The following DOCK9 variants were observed in gnomAD, a reference collection of about 807,000 sequenced individuals.
DOCK9 encodes dedicator of cytokinesis 9, also known as dedicator of cytokinesis protein 9.
In DOCK9, 89 loss-of-function variants were observed where a neutral mutation model predicts 263.3. The ratio of observed to expected loss-of-function variants is 0.34; its 90% CI spans 0.28 to 0.40. The LOEUF (loss-of-function observed/expected upper bound fraction) is 0.40. Ranked by LOEUF, DOCK9 falls within the 10% of genes least tolerant of loss-of-function variation. The pLI, the probability that DOCK9 is intolerant of heterozygous loss-of-function variation, is 1.00. For synonymous variants in DOCK9, 976 were observed against 973.1 expected (o/e 1.00, Z -0.06); for missense variants, 2,140 against 2,603.4 (o/e 0.82, Z 3.87).
rs549606738 is a variant in DOCK9, at chr13:98,899,095, A to G, written c.1504-834T>C. ...TTACTGAAGGGTCTTTTACATAAGT[A>G]TATCAAAGTCAAACCAATTTTGGGA... On this transcript the variant is annotated intron_variant, in intron 13 of 52. Transcript: ENST00000682017. Among the ~76,000 whole-genome samples, 226 of 145,086 alleles carry G rather than the reference A, an allele frequency of 1.6e-3. 1 individual carries two copies. The highest frequency in any genetic ancestry group is 5.4e-3 in the African/African-American group (214 of 39,270).
At chr13:98,850,543 A>G (rs564765384) in intron 35 of DOCK9, among the ~76,000 whole-genome samples, 2 of 150,472 alleles carry the variant, frequency 1.3e-5, no homozygotes, top group Non-Finnish European at 3.0e-5. Flanking sequence ...TTGCTCTCTG[A>G]GTTTTAACTG....
At chr13:99,000,603 C>A (rs572740085) in intron 1 of DOCK9, among the ~76,000 whole-genome samples, 73 of 152,278 alleles carry the variant, frequency 4.8e-4, no homozygotes, top group African/African-American at 1.7e-3. Context: ...GAGGTAAAAT[C>A]ATTCTCCTCA....
chr13:98,885,579 C>T (rs1311118676), intron 20 of DOCK9, 129 bp downstream of exon 20: 28 of 972,958 alleles, frequency 2.9e-5, no homozygotes, highest in Non-Finnish European at 3.8e-5. Flanking sequence ...AGACATGCTA[C>T]ATATCCGTTA....
chr13:98,834,027 G>A (rs970579557), intron 39 of DOCK9, among the ~76,000 whole-genome samples: 14 of 152,194 alleles, frequency 9.2e-5, no homozygotes, highest in African/African-American at 3.4e-4. Flanking sequence ...ACTTAGGAAA[G>A]TAAATGACAT....
exon 1 of DOCK9, chr13:99,086,258 T>A: frequency 2.0e-6 from 3 of 1,500,804 alleles, no homozygotes; most frequent in Non-Finnish European, 2.7e-6. Flanking sequence ...TCAGACACGC[T>A]CTGCCGCAGC....
At chr13:99,021,925 T>C (rs1374074806) in intron 1 of DOCK9, among the ~76,000 whole-genome samples, 1 of 151,992 alleles carries the variant, frequency 6.6e-6, no homozygotes, top group Non-Finnish European at 1.5e-5. Flanking sequence ...CACACATATA[T>C]TTATATAACA....
At chr13:99,084,433 G>C (rs1364712954) in intron 1 of DOCK9, among the ~76,000 whole-genome samples, 2 of 152,226 alleles carry the variant, frequency 1.3e-5, no homozygotes, top group Admixed American at 6.5e-5. Flanking sequence ...ACGAGACTAA[G>C]AGTTAAGACA....
intron 26 of DOCK9, 133 bp downstream of exon 26, chr13:98,880,414 C>T (rs539340228): frequency 1.7e-6 from 2 of 1,160,504 alleles, no homozygotes; most frequent in East Asian, 2.5e-5. Flanking sequence ...AAGTTGGTAT[C>T]AGAGAACACT....
intron 1 of DOCK9, among the ~76,000 whole-genome samples, chr13:98,985,301 G>A (rs1878192891): frequency 6.7e-6 from 1 of 148,418 alleles, no homozygotes; most frequent in South Asian, 2.1e-4. Context: ...ACCCCCACCT[G>A]TAACATCCTC....
chr13:98,863,041 G>A lies in DOCK9; in HGVS notation c.3557C>T (p.Pro1186Leu). The change falls in exon 32 of 53, where the codon CCC becomes CTC. Residue 1186 changes from proline (P) to leucine (L), a missense_variant. Pro to Leu is a moderately conservative substitution (Grantham distance 98, BLOSUM62 -3). Transcript: ENST00000682017. The part of the protein sequence containing the change: ...VQRINVRDVS[P>L]FPVNAGMTVK... Reference sequence around the variant, plus strand: ...TACCATGCCCGCGTTCACAGGGAAGGGTGACACATCCCTCACATTGATCCG... The same window carrying A: ...TACCATGCCCGCGTTCACAGGGAAGAGTGACACATCCCTCACATTGATCCG... 1 of 1,609,914 alleles carries A rather than the reference G, an allele frequency of 6.2e-7. No individual in the cohort carries two copies.
At chr13:98,987,188 T>C (rs1203882627) in intron 1 of DOCK9, among the ~76,000 whole-genome samples, 2 of 152,140 alleles carry the variant, frequency 1.3e-5, no homozygotes, top group African/African-American at 2.4e-5. Flanking sequence ...GATTAAAGTG[T>C]CAGGTGATAA....
chr13:98,923,285 G>A lies in DOCK9; in HGVS notation c.486+17C>T, dbSNP rs1447231178. The A allele has an allele frequency of 6.2e-7, 1 of 1,608,960 alleles. No individual in the cohort carries two copies. Among genetic ancestry groups the A allele is most frequent in the African/African-American group, 1.3e-5 (1 of 74,974 alleles). ...ATCTAGAGTGAAAAGAGAAGCAACA[G>A]CAAGCAGGTATCCCACCTCATCTTT... On this transcript the variant is annotated intron_variant, in intron 5 of 52. Coordinates refer to ENST00000682017, the MANE Select transcript of DOCK9 (RefSeq NM_001366683.2).
In DOCK9 at chr13:98,915,310, G is replaced by A. The variant is rs752077040; in HGVS notation, c.892+19C>T. ...CCCACAGAGTGTGTATGTGCCTGGGGGAAGCCAAGCCTATCTACCTTCGTG... is the reference window on the plus strand; with the variant it reads ...CCCACAGAGTGTGTATGTGCCTGGGAGAAGCCAAGCCTATCTACCTTCGTG... On this transcript the variant is annotated intron_variant, in intron 8 of 52. Transcript: ENST00000682017. 6.2e-7 allele frequency: 1 copy of A among 1,609,920 alleles called. No individual in the cohort carries two copies. The highest frequency in any genetic ancestry group is 1.3e-5 in the African/African-American group (1 of 74,800).
At position 98,824,384 on chromosome 13, in the gene DOCK9, G is replaced by A. The variant is rs2092435931; in HGVS notation, c.5130+14C>T. The A allele has an allele frequency of 1.2e-6, 2 of 1,612,394 alleles. No homozygotes were observed. Among genetic ancestry groups the A allele is most frequent in the South Asian group, 1.1e-5 (1 of 91,054 alleles). On this transcript the variant is annotated intron_variant, in intron 45 of 52. Coordinates refer to ENST00000682017, the MANE Select transcript of DOCK9 (RefSeq NM_001366683.2). ...CCCCAGTACCTGAAAGCCCACATGAGTTCAAGCACGCACCTCGTTGAAATG... is the reference window on the plus strand; with the variant it reads ...CCCCAGTACCTGAAAGCCCACATGAATTCAAGCACGCACCTCGTTGAAATG...
Position 98,824,391 on chromosome 13 carries a change from C to T in DOCK9, c.5130+7G>A. 2 of 1,613,254 alleles carry T rather than the reference C, an allele frequency of 1.2e-6. No homozygotes were observed. The highest frequency in any genetic ancestry group is 1.1e-5 in the South Asian group (1 of 91,076). On this transcript the variant is annotated splice_region_variant and intron_variant, in intron 45 of 52. Coordinates refer to ENST00000682017, the MANE Select transcript of DOCK9 (RefSeq NM_001366683.2). Reference sequence around the variant, plus strand: ...ACCTGAAAGCCCACATGAGTTCAAGCACGCACCTCGTTGAAATGGACATCC... The same window carrying T: ...ACCTGAAAGCCCACATGAGTTCAAGTACGCACCTCGTTGAAATGGACATCC...
intron 1 of DOCK9, among the ~76,000 whole-genome samples, chr13:99,055,321 A>G (rs894712468): frequency 6.6e-6 from 1 of 152,256 alleles, no homozygotes; most frequent in Non-Finnish European, 1.5e-5. Flanking sequence ...ACAAACTTTC[A>G]AAAACAAAAT....
intron 1 of DOCK9, among the ~76,000 whole-genome samples, chr13:99,036,222 C>T (rs12865599): frequency 0.088 from 13,456 of 152,172 alleles, 715 homozygotes; most frequent in African/African-American, 0.15. Context: ...TATTTGTGCT[C>T]CCTACCCCAC....
intron 6 of DOCK9, 122 bp downstream of exon 6, chr13:98,921,929 G>T: frequency 1.2e-6 from 1 of 865,224 alleles, no homozygotes; most frequent in Non-Finnish European, 1.8e-6. Context: ...AGCATCCTAG[G>T]AATCAGACAA....
intron 33 of DOCK9, chr13:98,856,581 A>G (rs2093711979): frequency 6.6e-6 from 1 of 152,566 alleles, no homozygotes; most frequent in Non-Finnish European, 1.5e-5. Flanking sequence ...GCCTGCTATG[A>G]TAAAAGGCAA....
Sources: allele counts gnomAD v4.1 joint callset (sites outside exome capture counted in the v4.1 genomes callset), GRCh38; gene constraint gnomAD v4.1.1; transcripts MANE v1.5; gene names NCBI Gene and HGNC (gene_info 2026-07-23, HGNC 2026-07-21).